GAS2L2: variants seen among roughly 807,000 people sequenced by gnomAD.
The protein encoded by GAS2L2 is GAS2-like protein 2.
GAS2L2 carries 21 observed loss-of-function variants against 35.2 expected under a neutral mutation model. The observed-to-expected ratio is 0.60, with a 90% CI of 0.42 to 0.86. GAS2L2 has a LOEUF of 0.86. Ranked by LOEUF, GAS2L2 falls within the 40% of genes least tolerant of loss-of-function variation. The pLI is 0.00. For synonymous variants in GAS2L2, 490 were observed against 473.2 expected (o/e 1.04, Z -0.46); for missense variants, 1,169 against 1,144.4 (o/e 1.02, Z -0.31).
intron 4 of GAS2L2, 56 bp downstream of exon 4, chr17:35,747,793 C>A (rs1201072878): frequency 6.9e-7 from 1 of 1,443,008 alleles, no homozygotes; most frequent in Non-Finnish European, 9.7e-7. Flanking sequence ...GCCTCCCAAC[C>A]CAGAGCTAGG....
intron 1 of GAS2L2, among the ~76,000 whole-genome samples, 190 bp from the exon 2 acceptor site, chr17:35,750,508 T>A (rs1344455971): frequency 2.0e-5 from 3 of 152,030 alleles, no homozygotes; most frequent in African/African-American, 7.2e-5. Context: ...CTGGGCGGAA[T>A]TGCTCAGGTG....
chr17:35,746,261 G>A lies in GAS2L2; in HGVS notation c.1236C>T (p.Pro412=), dbSNP rs782494175. The change falls in exon 6 of 6, where the codon CCC becomes CCT. Residue 412 remains proline, a synonymous_variant. Coordinates refer to ENST00000604641, the MANE Select transcript of GAS2L2 (RefSeq NM_139285.4). ...KREERYPPEL[P]RGRIPTSWVH... ...CCCAAGATGTGGGAATCCTTCCCCT[G>A]GGGAGTTCAGGGGGGTATCTCTCCT... 13 of 1,459,100 alleles carry A rather than the reference G, an allele frequency of 8.9e-6. No individual in the cohort carries two copies. The South Asian group carries it at 1.6e-4, about 18-fold the overall frequency. 90.4% of individuals were successfully genotyped at this position (1,459,100 alleles called of 1,614,324 possible).
intron 2 of GAS2L2, among the ~76,000 whole-genome samples, 187 bp from the exon 3 acceptor site, chr17:35,749,404 A>G (rs1384057254): frequency 1.3e-5 from 2 of 152,186 alleles, no homozygotes; most frequent in Non-Finnish European, 2.9e-5. Flanking sequence ...TCACCCATGG[A>G]CCTACCTACC....
intron 3 of GAS2L2, 85 bp downstream of exon 3, chr17:35,749,025 T>C: frequency 1.3e-6 from 1 of 797,650 alleles, no homozygotes; most frequent in Non-Finnish European, 2.1e-6. Context: ...CAAGGTCCCA[T>C]ATTCTGGGAG....
chr17:35,749,987 G>T, intron 2 of GAS2L2, 90 bp downstream of exon 2: 5 of 1,191,842 alleles, frequency 4.2e-6, no homozygotes, highest in Non-Finnish European at 5.9e-6. Flanking sequence ...CAAGAAGGGG[G>T]TGGGTTAGTG....
chr17:35,747,324 G>A, intron 4 of GAS2L2, 56 bp from the exon 5 acceptor site: 1 of 1,521,244 alleles, frequency 6.6e-7, no homozygotes, highest in Non-Finnish European at 8.8e-7. Flanking sequence ...TCCTGCCAAT[G>A]GGGACCATTG....
intron 1 of GAS2L2, among the ~76,000 whole-genome samples, chr17:35,751,758 C>A (rs1431968607): frequency 6.6e-6 from 1 of 151,778 alleles, no homozygotes; most frequent in Non-Finnish European, 1.5e-5. Flanking sequence ...CTATTTCCTC[C>A]CCTGGCTCCC....
At position 35,746,188 on chromosome 17, in the gene GAS2L2, G is replaced by C; in HGVS notation, c.1309C>G (p.Pro437Ala). ...GCCTCAATGGCTCGGAGTCTTTGTG[G>C]GGTGGGGTTCCCGGCGTCGGTTCCC... ...SWGTDAGNPT[P>A]QRLRAIEATT... Residue 437 changes from proline to alanine, a missense_variant, in exon 6 of 6, where the codon CCA becomes GCA. This residue lies in a region of GAS2L2 where 1,035 missense variants were observed against 976.5 expected (regional missense o/e 1.06). Transcript: ENST00000604641. The C allele has an allele frequency of 3.4e-6, 5 of 1,482,492 alleles. No individual in the cohort carries two copies. Among genetic ancestry groups the C allele is most frequent in the Non-Finnish European group, 4.5e-6 (5 of 1,115,136 alleles). 91.8% of individuals were successfully genotyped at this position (1,482,492 alleles called of 1,614,324 possible). A position where few individuals can be genotyped will look rare whatever the true frequency, so the allele number is the denominator to read the frequency against.
rs782697040 is a variant in GAS2L2 at position 35,745,272 on chromosome 17, G to A, written c.2225C>T (p.Ser742Leu). Residue 742 changes from serine (S) to leucine (L), a missense_variant, in exon 6 of 6, where the codon TCG (serine) becomes TTG (leucine). Physicochemically the swap from Ser to Leu is moderately radical, Grantham distance 145. Around this residue, in one of 3 missense-constraint regions of GAS2L2, gnomAD observed 1,035 missense variants for 976.5 expected, o/e 1.06. Transcript: ENST00000604641. Reference sequence around the variant, plus strand: ...TTTGTCAGAGTTGGGGTCCAAGGGCGAAGGTGTGGGGGCCTCCGGGCTGGC... The same window carrying A: ...TTTGTCAGAGTTGGGGTCCAAGGGCAAAGGTGTGGGGGCCTCCGGGCTGGC... ...VSASPEAPTPSPLDPNSDKAK... is the reference protein window; with the variant it reads ...VSASPEAPTPLPLDPNSDKAK... 2.1e-5 allele frequency: 34 copies of A among 1,610,624 alleles called. No homozygotes were observed. Among genetic ancestry groups the A allele is most frequent in the Non-Finnish European group, 2.7e-5 (32 of 1,178,014 alleles).
rs1218662518 is a variant in GAS2L2, at chr17:35,745,919, A to C, written c.1578T>G (p.Ser526Arg). The stretch of plus-strand genomic sequence containing the variant: ...GGTCTCTCCCAAGTTCTGTCCTGGG[A>C]CTTCCACTTGTAGCACCAGGAAAGC... ...GRSFPGATSG[S>R]PRTELGRDPI... is the part of the protein sequence containing the mutation. The change falls in exon 6 of 6, where the codon AGT becomes AGG. Residue 526 changes from serine (S) to arginine (R), a missense_variant. This residue lies in a region of GAS2L2 where 1,035 missense variants were observed against 976.5 expected (regional missense o/e 1.06). Coordinates refer to ENST00000604641, the MANE Select transcript of GAS2L2 (RefSeq NM_139285.4). The C allele has an allele frequency of 6.2e-7, 1 of 1,611,868 alleles. No individual in the cohort carries two copies. The highest frequency in any genetic ancestry group is 8.5e-7 in the Non-Finnish European group (1 of 1,179,146).
At position 35,750,269 on chromosome 17, in the gene GAS2L2, C is replaced by T. The variant is rs2085695760; in HGVS notation, c.435G>A (p.Lys145=). The change falls in exon 2 of 6, where the codon AAG becomes AAA. Residue 145 remains lysine, a synonymous_variant. Coordinates refer to ENST00000604641, the MANE Select transcript of GAS2L2 (RefSeq NM_139285.4). The part of the protein sequence containing the change: ...TEDLVLRKNV[K]NVVLCLLELG... ...GCTCCAGCAAACACAGCACCACGTT[C>T]TTCACGTTCTTGCGCAGCACCAAGT... 1.2e-6 allele frequency: 2 copies of T among 1,613,658 alleles called. No individual in the cohort carries two copies. The highest frequency in any genetic ancestry group is 4.5e-5 in the East Asian group (2 of 44,880).
At position 35,745,007 on chromosome 17, in the gene GAS2L2, C is replaced by G. The variant is rs782706745; in HGVS notation, c.2490G>C (p.Val830=). ...LGSKGGEASR[V]DGASVGEEEE... is the part of the protein sequence containing the mutation. Reference sequence around the variant, plus strand: ...CCTCCTCACCTACTGAAGCTCCATCCACCCGGGATGCCTCCCCTCCCTTGC... The same window carrying G: ...CCTCCTCACCTACTGAAGCTCCATCGACCCGGGATGCCTCCCCTCCCTTGC... Residue 830 remains valine, a synonymous_variant, in exon 6 of 6, where the codon GTG becomes GTC. Coordinates refer to ENST00000604641, the MANE Select transcript of GAS2L2 (RefSeq NM_139285.4). 1 of 1,614,126 alleles carries G rather than the reference C, an allele frequency of 6.2e-7. No individual in the cohort carries two copies. The highest frequency in any genetic ancestry group is 1.1e-5 in the South Asian group (1 of 91,074).
intron 5 of GAS2L2, among the ~76,000 whole-genome samples, chr17:35,746,657 C>G (rs2085670416): frequency 6.6e-6 from 1 of 152,198 alleles, no homozygotes; most frequent in Non-Finnish European, 1.5e-5. Flanking sequence ...GAAGCCTGAT[C>G]CTGGCCTGAG....
In GAS2L2 at chr17:35,745,459, A is replaced by AG; in HGVS notation, c.2037dup (p.Ser680LeufsTer3). The AG allele has an allele frequency of 6.3e-7, 1 of 1,586,216 alleles. No homozygotes were observed. Among genetic ancestry groups the AG allele is most frequent in the South Asian group, 1.2e-5 (1 of 86,822 alleles). ...CCTGGGGTAACAGCTGGCTTAGGGGAGCCAGTCGGGGCTGCCTTCCAGGCT... is the reference window on the plus strand; with the variant it reads ...CCTGGGGTAACAGCTGGCTTAGGGGAGGCCAGTCGGGGCTGCCTTCCAGGCT... On this transcript the variant is annotated frameshift_variant, in exon 6 of 6. Coordinates refer to ENST00000604641, the MANE Select transcript of GAS2L2 (RefSeq NM_139285.4). LOFTEE classifies it low-confidence loss of function (END_TRUNC).
In GAS2L2 at chr17:35,745,422, AG is replaced by A. The variant is rs2085658838; in HGVS notation, c.2074del (p.Leu692SerfsTer18). 1.3e-6 allele frequency: 2 copies of A among 1,571,824 alleles called. No individual in the cohort carries two copies. The highest frequency in any genetic ancestry group is 1.7e-6 in the Non-Finnish European group (2 of 1,158,246). ...CTGTCTGGCTCCCAACTTCCCTTTGAGGCTTCCCGGTCCTGGGGTAACAGCT... is the reference window on the plus strand; with the variant it reads ...CTGTCTGGCTCCCAACTTCCCTTTGAGCTTCCCGGTCCTGGGGTAACAGCT... Reference protein sequence around the residue: ...KPAVTPGPGSLKGKLGARQSG... With the variant: ...KPAVTPGPGSXKGKLGARQSG... On this transcript the variant is annotated frameshift_variant, in exon 6 of 6. Coordinates refer to ENST00000604641, the MANE Select transcript of GAS2L2 (RefSeq NM_139285.4). LOFTEE classifies it low-confidence loss of function (END_TRUNC).
At chr17:35,751,706 A>G (rs1210471536) in intron 1 of GAS2L2, among the ~76,000 whole-genome samples, 1 of 150,542 alleles carries the variant, frequency 6.6e-6, no homozygotes, top group Non-Finnish European at 1.5e-5. Flanking sequence ...TCCTTCCTTT[A>G]TGATGCAAAC....
chr17:35,747,986 A>G (rs372666616), intron 3 of GAS2L2, 41 bp from the exon 4 acceptor site: 8 of 1,506,768 alleles, frequency 5.3e-6, no homozygotes, highest in Admixed American at 1.7e-5. Flanking sequence ...GGTGGAGGGC[A>G]GCCCCTCTTC....
In GAS2L2 at chr17:35,752,837, G is replaced by A. The variant is rs139864694; in HGVS notation, c.14C>T (p.Ala5Val). 21 of 1,597,182 alleles carry A rather than the reference G, an allele frequency of 1.3e-5. No individual in the cohort carries two copies. The highest frequency in any genetic ancestry group is 9.9e-5 in the South Asian group (9 of 90,710). Residue 5 changes from alanine (A) to valine (V), a missense_variant, in exon 1 of 6, where the codon GCG becomes GTG. By Grantham distance (64) the Ala-to-Val change is moderately conservative (BLOSUM62 0). Transcript: ENST00000604641. ...GGTCCTGGGCTTCCTCCTGCCTCCCGCAGGCTGGGACATGGCTGGACCCCA... is the reference window on the plus strand; with the variant it reads ...GGTCCTGGGCTTCCTCCTGCCTCCCACAGGCTGGGACATGGCTGGACCCCA... MSQP[A>V]GGRRKPRTLG...
intron 1 of GAS2L2, 96 bp from the exon 2 acceptor site, chr17:35,750,414 G>C: frequency 6.7e-7 from 1 of 1,485,522 alleles, no homozygotes; most frequent in South Asian, 1.2e-5. Context: ...AAAGCACTGG[G>C]GTCATCCCCG....
Sources: gnomAD v4.1 joint callset for allele counts (sites outside exome capture counted in the v4.1 genomes callset) on GRCh38, gnomAD v4.1.1 for gene constraint, gnomAD v4.1.1 regional missense constraint, MANE v1.5 for transcripts, NCBI Gene and HGNC (gene_info 2026-07-23, HGNC 2026-07-21) for gene names.